Variants in PTPRR observed in about 807,000 individuals in gnomAD.
The protein encoded by PTPRR is receptor-type tyrosine-protein phosphatase R.
Under a neutral mutation model 77.2 loss-of-function variants are expected in PTPRR, and 38 were observed. The observed-to-expected ratio is 0.49, with a 90% CI of 0.38 to 0.65. The LOEUF (loss-of-function observed/expected upper bound fraction) is 0.65, where lower values mean the gene tolerates loss of function less well. Among genes scored for constraint, PTPRR ranks in the 30% least tolerant of loss-of-function variants. PTPRR has a pLI of 0.00. For missense variants in PTPRR, 744 were observed against 799.2 expected, an observed-to-expected ratio of 0.93 and a Z score of 0.83; for synonymous variants, 299 against 283.1, an observed-to-expected ratio of 1.06 and a Z score of -0.57.
At chr12:70,735,302 G>A (rs530291307) in intron 6 of PTPRR, among the ~76,000 whole-genome samples, 2 of 152,326 alleles carry the variant, frequency 1.3e-5, no homozygotes, top group African/African-American at 4.8e-5. Flanking sequence ...GGAAAAAGAG[G>A]TTTAATGGAC....
intron 10 of PTPRR, among the ~76,000 whole-genome samples, chr12:70,678,270 A>G (rs1027628983): frequency 4.6e-5 from 7 of 152,106 alleles, no homozygotes; most frequent in African/African-American, 4.8e-5. Context: ...GGAACTCCCA[A>G]CCTCAGGTGA....
intron 6 of PTPRR, among the ~76,000 whole-genome samples, chr12:70,724,352 C>A (rs1367358013): frequency 6.6e-6 from 1 of 152,140 alleles, no homozygotes; most frequent in African/African-American, 2.4e-5. Flanking sequence ...GCAACTTAAC[C>A]TGTATGTGCC....
chr12:70,744,244 G>C (rs1294630241), intron 6 of PTPRR, among the ~76,000 whole-genome samples: 1 of 152,178 alleles, frequency 6.6e-6, no homozygotes, highest in Non-Finnish European at 1.5e-5. Flanking sequence ...ACCCAGGAAC[G>C]GCAGGGCTGG....
At chr12:70,873,895 T>C (rs1893003584) in intron 2 of PTPRR, among the ~76,000 whole-genome samples, 1 of 152,096 alleles carries the variant, frequency 6.6e-6, no homozygotes, top group Admixed American at 6.5e-5. Context: ...AGTGTAAACA[T>C]ACAGCATTAT....
chr12:70,871,856 G>A (rs1592805786), intron 2 of PTPRR, among the ~76,000 whole-genome samples: 1 of 152,116 alleles, frequency 6.6e-6, no homozygotes, highest in African/African-American at 2.4e-5. Context: ...ATATATTTTT[G>A]AGCAGGGAAA....
chr12:70,872,417 C>T (rs917010133), intron 2 of PTPRR, among the ~76,000 whole-genome samples: 4 of 151,920 alleles, frequency 2.6e-5, no homozygotes, highest in Non-Finnish European at 5.9e-5. Context: ...CCAAGTCAGC[C>T]GCTTGCGGTG....
rs1885841106 is a variant in PTPRR at position 70,638,383 on chromosome 12, T to C, written c.*801A>G. ...AAAGAGAGACAAGTAGTTAAAACTC[T>C]TGATACTTCAGAGTTGCTACAAATT... On this transcript the variant is annotated 3_prime_UTR_variant, in exon 14 of 14. Transcript: ENST00000283228. 1 of 152,568 alleles carries C rather than the reference T, an allele frequency of 6.6e-6. No individual in the cohort carries two copies. The highest frequency in any genetic ancestry group is 1.5e-5 in the Non-Finnish European group (1 of 68,044). The allele number at this position is 152,568 out of a possible 1,614,324, so 9.5% of individuals were successfully genotyped here.
chr12:70,916,223 A>G (rs1893773394), intron 1 of PTPRR, among the ~76,000 whole-genome samples: 2 of 152,134 alleles, frequency 1.3e-5, no homozygotes, highest in South Asian at 4.1e-4. Flanking sequence ...TTCTAAAATT[A>G]TTGTGGGATT....
chr12:70,817,039 C>T (rs528072712), intron 2 of PTPRR, among the ~76,000 whole-genome samples: 3 of 152,142 alleles, frequency 2.0e-5, no homozygotes, highest in African/African-American at 7.2e-5. Context: ...ATATAGATCT[C>T]CAACACTACT....
chr12:70,684,602 A>G (rs1426216012), intron 9 of PTPRR, 102 bp downstream of exon 9: 6 of 809,234 alleles, frequency 7.4e-6, no homozygotes, highest in Non-Finnish European at 9.9e-6. Flanking sequence ...TCTTGCTGGT[A>G]ATCAAGTTAA....
chr12:70,678,225 G>C (rs964808223), intron 10 of PTPRR, among the ~76,000 whole-genome samples: 1 of 152,144 alleles, frequency 6.6e-6, no homozygotes, highest in African/African-American at 2.4e-5. Context: ...ATTTTTAGTA[G>C]AGACAGGGTT....
intron 8 of PTPRR, among the ~76,000 whole-genome samples, chr12:70,693,895 A>G (rs78398624): frequency 6.6e-6 from 1 of 152,096 alleles, no homozygotes; most frequent in African/African-American, 2.4e-5. Flanking sequence ...CTTCAGTTAG[A>G]TAGGGAGGGA....
At chr12:70,873,886 G>A (rs892708188) in intron 2 of PTPRR, among the ~76,000 whole-genome samples, 5 of 152,210 alleles carry the variant, frequency 3.3e-5, no homozygotes, top group African/African-American at 1.2e-4. Context: ...ATGTGGGTAA[G>A]TGTAAACATA....
At chr12:70,758,195 T>C (rs1890606223) in intron 4 of PTPRR, among the ~76,000 whole-genome samples, 2 of 152,220 alleles carry the variant, frequency 1.3e-5, no homozygotes, top group African/African-American at 4.8e-5. Context: ...AAATTCTAGA[T>C]TTCTAGATTC....
intron 1 of PTPRR, among the ~76,000 whole-genome samples, chr12:70,908,518 A>C (rs567175911): frequency 3.3e-5 from 5 of 152,278 alleles, no homozygotes; most frequent in East Asian, 1.9e-4. Flanking sequence ...AAACCATCAG[A>C]TCTCGTGAGA....
chr12:70,666,188 A>C (rs1342154152), intron 10 of PTPRR, among the ~76,000 whole-genome samples: 1 of 151,296 alleles, frequency 6.6e-6, no homozygotes, highest in Non-Finnish European at 1.5e-5. Context: ...TTGGTAGGGG[A>C]AAATTGCCTT....
chr12:70,684,358 A>T (rs1887783372), intron 9 of PTPRR, 94 bp from the exon 10 acceptor site: 1 of 1,336,440 alleles, frequency 7.5e-7, no homozygotes, highest in Non-Finnish European at 1.0e-6. Context: ...TAGCTGGGCT[A>T]GTACAAAAGC....
intron 4 of PTPRR, among the ~76,000 whole-genome samples, chr12:70,761,079 G>T (rs1397422974): frequency 6.6e-6 from 1 of 152,078 alleles, no homozygotes; most frequent in East Asian, 1.9e-4. Flanking sequence ...TGACAATGAC[G>T]ACAATGAGGG....
chr12:70,763,322 G>T (rs1480413134), intron 3 of PTPRR, among the ~76,000 whole-genome samples: 1 of 151,926 alleles, frequency 6.6e-6, no homozygotes, highest in Admixed American at 6.6e-5. Flanking sequence ...TAGTAGAGAT[G>T]GGGTTTTACC....
Sources: gnomAD v4.1 joint callset for allele counts (sites outside exome capture counted in the v4.1 genomes callset) on GRCh38, gnomAD v4.1.1 for gene constraint, MANE v1.5 for transcripts, NCBI Gene and HGNC (gene_info 2026-07-23, HGNC 2026-07-21) for gene names.